The following EPHA6 variants were observed in gnomAD, a reference collection of about 807,000 sequenced individuals.
The protein encoded by EPHA6 is EPH receptor A6.
A neutral mutation model predicts 112.0 loss-of-function variants in EPHA6; 50 were observed. The observed-to-expected ratio is 0.45, with a 90% CI of 0.36 to 0.56. EPHA6 has a LOEUF of 0.56. Among genes scored for constraint, EPHA6 ranks in the 20% least tolerant of loss-of-function variants. The pLI, the probability that EPHA6 is intolerant of heterozygous loss-of-function variation, is 0.00. For synonymous variants in EPHA6, 529 were observed against 490.7 expected, an observed-to-expected ratio of 1.08 and a Z score of -1.03; for missense variants, 1,280 against 1,417.4, an observed-to-expected ratio of 0.90 and a Z score of 1.56.
At chr3:97,357,949 T>C (rs2084168710) in intron 5 of EPHA6, among the ~76,000 whole-genome samples, 1 of 152,084 alleles carries the variant, frequency 6.6e-6, no homozygotes, top group Admixed American at 6.6e-5. Context: ...GAAGAGGGGA[T>C]GGTCTTGCTG....
chr3:97,092,980 C>T (rs1156390283), intron 3 of EPHA6, among the ~76,000 whole-genome samples: 1 of 152,060 alleles, frequency 6.6e-6, no homozygotes, highest in African/African-American at 2.4e-5. Flanking sequence ...TGTAGGGTCT[C>T]AAATCCACTT....
At chr3:97,377,625 G>A (rs558322556) in intron 5 of EPHA6, among the ~76,000 whole-genome samples, 2 of 152,290 alleles carry the variant, frequency 1.3e-5, no homozygotes, top group African/African-American at 4.8e-5. Context: ...CAAAAATACT[G>A]GTAATGAACG....
intron 5 of EPHA6, among the ~76,000 whole-genome samples, chr3:97,403,618 G>A (rs150647461): frequency 6.6e-6 from 1 of 151,864 alleles, no homozygotes; most frequent in Non-Finnish European, 1.5e-5. Flanking sequence ...GGCTAATTTT[G>A]TGTATTTTTA....
At chr3:97,638,319 A>G (rs889779829) in intron 14 of EPHA6, among the ~76,000 whole-genome samples, 23 of 152,156 alleles carry the variant, frequency 1.5e-4, no homozygotes, top group African/African-American at 2.4e-5. Flanking sequence ...TTGTCCTGGG[A>G]CTTTAACATC....
chr3:96,832,864 A>G (rs1378101122), intron 1 of EPHA6, among the ~76,000 whole-genome samples: 1 of 151,932 alleles, frequency 6.6e-6, no homozygotes, highest in Non-Finnish European at 1.5e-5. Flanking sequence ...AGTAGTATAA[A>G]CTATGAGTTT....
intron 2 of EPHA6, among the ~76,000 whole-genome samples, chr3:96,949,022 G>A (rs148767627): frequency 1.5e-4 from 23 of 152,178 alleles, no homozygotes; most frequent in African/African-American, 3.4e-4. Flanking sequence ...GTTGTATGCC[G>A]TATATCCCTT....
intron 10 of EPHA6, among the ~76,000 whole-genome samples, chr3:97,528,497 T>C (rs1371775407): frequency 6.6e-6 from 1 of 152,050 alleles, no homozygotes; most frequent in Non-Finnish European, 1.5e-5. Context: ...CATTCCTGTC[T>C]GAGGGAAATG....
At chr3:97,257,027 A>G (rs2079337079) in intron 5 of EPHA6, among the ~76,000 whole-genome samples, 1 of 151,996 alleles carries the variant, frequency 6.6e-6, no homozygotes, top group African/African-American at 2.4e-5. Flanking sequence ...CTTACCACAC[A>G]AAGAGATTTA....
intron 2 of EPHA6, among the ~76,000 whole-genome samples, chr3:96,897,935 G>A (rs1026325175): frequency 4.6e-5 from 7 of 152,072 alleles, no homozygotes; most frequent in Non-Finnish European, 8.8e-5. Flanking sequence ...ACTAGTTAAC[G>A]CTGCTATTTA....
At chr3:96,888,414 G>A (rs1032453482) in intron 2 of EPHA6, among the ~76,000 whole-genome samples, 1 of 152,110 alleles carries the variant, frequency 6.6e-6, no homozygotes, top group African/African-American at 2.4e-5. Context: ...TCCACAGTTG[G>A]GGGTCACCTG....
intron 15 of EPHA6, among the ~76,000 whole-genome samples, chr3:97,727,798 T>C (rs533794108): frequency 7.2e-5 from 11 of 152,058 alleles, no homozygotes; most frequent in Non-Finnish European, 1.5e-4. Context: ...TTTAATTAAA[T>C]ACATACTAAT....
Position 97,188,751 on chromosome 3 carries a change from C to A in EPHA6, c.1115-37513C>A, listed in dbSNP as rs546875110. On this transcript the variant is annotated intron_variant, in intron 3 of 17. Coordinates refer to ENST00000389672, the MANE Select transcript of EPHA6 (RefSeq NM_001080448.3). Reference sequence around the variant, plus strand: ...TCCATTTTATGTTAAGTAAAAAAATCATTTAGAGGAAAAATATGTACAGAG... The same window carrying A: ...TCCATTTTATGTTAAGTAAAAAAATAATTTAGAGGAAAAATATGTACAGAG... Among the ~76,000 whole-genome samples the A allele has an allele frequency of 8.6e-5, 13 of 151,662 alleles. No individual in the cohort carries two copies. In the East Asian group the frequency reaches 2.1e-3, roughly 25 times the overall value.
intron 5 of EPHA6, among the ~76,000 whole-genome samples, chr3:97,376,528 G>A (rs2085369395): frequency 6.6e-6 from 1 of 152,150 alleles, no homozygotes; most frequent in African/African-American, 2.4e-5. Context: ...AAATCTCTAA[G>A]GCAGAAAGAG....
In EPHA6 at chr3:97,724,206, C is replaced by G. The variant is rs4257593; in HGVS notation, c.2934+3796C>G. Reference sequence around the variant, plus strand: ...TTCAGATTGTTTTTATGAGTTTCTCCGTTCTGCAGACTGTTGTATATTTTA... The same window carrying G: ...TTCAGATTGTTTTTATGAGTTTCTCGGTTCTGCAGACTGTTGTATATTTTA... On this transcript the variant is annotated intron_variant, in intron 15 of 17. Coordinates refer to ENST00000389672, the MANE Select transcript of EPHA6 (RefSeq NM_001080448.3). Among the ~76,000 whole-genome samples the G allele has an allele frequency of 5.9e-5, 9 of 151,978 alleles. No homozygotes were observed. The East Asian group carries it at 1.7e-3, about 29-fold the overall frequency.
At chr3:96,976,414 A>T (rs1231790152) in intron 2 of EPHA6, among the ~76,000 whole-genome samples, 1 of 152,134 alleles carries the variant, frequency 6.6e-6, no homozygotes, top group Non-Finnish European at 1.5e-5. Context: ...CTGCACTAAA[A>T]TGTTGTTAAT....
At chr3:96,886,383 T>C (rs2037624844) in intron 2 of EPHA6, among the ~76,000 whole-genome samples, 2 of 152,214 alleles carry the variant, frequency 1.3e-5, no homozygotes, top group African/African-American at 2.4e-5. Flanking sequence ...ATGTTTACGA[T>C]TGTGATATTT....
intron 11 of EPHA6, among the ~76,000 whole-genome samples, chr3:97,556,567 G>T (rs1490004642): frequency 6.6e-6 from 1 of 151,994 alleles, no homozygotes; most frequent in East Asian, 1.9e-4. Flanking sequence ...CTTGAGAACA[G>T]CATGAGGGTA....
At position 97,512,552 on chromosome 3, in the gene EPHA6, C is replaced by A. The variant is rs188198721; in HGVS notation, c.2201-19806C>A. Reference sequence around the variant, plus strand: ...CGTGGCTATCTAAACACAAGCCCTCCAATGAAAATACTGATTATTATTATT... The same window carrying A: ...CGTGGCTATCTAAACACAAGCCCTCAAATGAAAATACTGATTATTATTATT... On this transcript the variant is annotated intron_variant, in intron 10 of 17. Transcript: ENST00000389672. 1.6e-4 allele frequency among the ~76,000 whole-genome samples: 24 copies of A among 152,180 alleles called. No individual in the cohort carries two copies. In the East Asian group the frequency reaches 4.6e-3, roughly 29 times the overall value.
At chr3:97,740,317 A>G (rs2035445850) in intron 16 of EPHA6, among the ~76,000 whole-genome samples, 1 of 152,126 alleles carries the variant, frequency 6.6e-6, no homozygotes, top group South Asian at 2.1e-4. Flanking sequence ...GCTTTCTTCT[A>G]ATCCCTGCTC....
Sources: allele counts gnomAD v4.1 joint callset (sites outside exome capture counted in the v4.1 genomes callset), GRCh38; gene constraint gnomAD v4.1.1; transcripts MANE v1.5; gene names NCBI Gene and HGNC (gene_info 2026-07-23, HGNC 2026-07-21).